Variants in DOP1A observed in about 807,000 individuals in gnomAD.
DOP1A encodes protein DOP1A.
A neutral mutation model predicts 267.6 loss-of-function variants in DOP1A; 90 were observed. The observed-to-expected ratio is 0.34, with a 90% CI of 0.28 to 0.40. DOP1A has a LOEUF of 0.40. DOP1A is among the 10% of genes least tolerant of loss of function. DOP1A has a pLI of 1.00. For synonymous variants in DOP1A, 932 were observed against 999.1 expected (o/e 0.93, Z 1.27); for missense variants, 2,437 against 2,900.4 (o/e 0.84, Z 3.67).
intron 5 of DOP1A, 115 bp from the exon 6 acceptor site, chr6:83,110,010 T>C: frequency 9.3e-7 from 1 of 1,070,774 alleles, no homozygotes; most frequent in Non-Finnish European, 1.3e-6. Flanking sequence ...GTTTCCAGGG[T>C]GGAACATATG....
Position 83,145,594 on chromosome 6 carries a change from C to T in DOP1A, c.5612C>T (p.Ala1871Val). The T allele has an allele frequency of 6.2e-7, 1 of 1,613,104 alleles. No individual in the cohort carries two copies. The highest frequency in any genetic ancestry group is 8.5e-7 in the Non-Finnish European group (1 of 1,179,454). ...ELVRSISVMR[A>V]ETVIQTVKEV... is the part of the protein sequence containing the mutation. The stretch of plus-strand genomic sequence containing the variant: ...GTTCGTTCAATCAGTGTCATGAGAG[C>T]AGAAACTGTTATCCAGACTGTAAAA... The change falls in exon 25 of 39, where the codon GCA (alanine) becomes GTA (valine). Residue 1871 changes from alanine (A) to valine (V), a missense_variant. This residue lies in a region of DOP1A where 307 missense variants were observed against 308.6 expected (regional missense o/e 0.99). Transcript: ENST00000349129.
In DOP1A at chr6:83,153,731, G is replaced by C. The variant is rs1334398497; in HGVS notation, c.6239+111G>C. The C allele has an allele frequency of 5.1e-6, 6 of 1,174,812 alleles. No individual in the cohort carries two copies. In the East Asian group the frequency reaches 1.4e-4, roughly 26 times the overall value. The allele number at this position is 1,174,812 out of a possible 1,614,324, so 72.8% of individuals were successfully genotyped here. A position where few individuals can be genotyped will look rare whatever the true frequency, so the allele number is the denominator to read the frequency against. On this transcript the variant is annotated intron_variant, in intron 31 of 38. Coordinates refer to ENST00000349129, the MANE Select transcript of DOP1A (RefSeq NM_015018.4). ...TATCATAAAATGGCATTTTTACCTT[G>C]AATTATAATTGTTTAAAAAAATTCA...
At position 83,168,169 on chromosome 6, in the gene DOP1A, C is replaced by T. The variant is rs762367065; in HGVS notation, c.*2C>T. 1 of 1,610,390 alleles carries T rather than the reference C, an allele frequency of 6.2e-7. No individual in the cohort carries two copies. The highest frequency in any genetic ancestry group is 8.5e-7 in the Non-Finnish European group (1 of 1,178,648). On this transcript the variant is annotated 3_prime_UTR_variant, in exon 39 of 39. Transcript: ENST00000349129. ...CTGGAAGGGATGATAAAAACTTGAG[C>T]ACCATTGCTGGTTCCATTTAGCTTA...
chr6:83,148,888 T>G (rs1193388527), intron 27 of DOP1A, 25 bp downstream of exon 27: 4 of 1,351,238 alleles, frequency 3.0e-6, no homozygotes, highest in Non-Finnish European at 4.0e-6. Context: ...TTAATATTAT[T>G]TCAAATAAAA....
At chr6:83,114,364 A>G (rs921105347) in intron 7 of DOP1A, among the ~76,000 whole-genome samples, 1 of 152,222 alleles carries the variant, frequency 6.6e-6, no homozygotes, top group Non-Finnish European at 1.5e-5. Context: ...TCACAAAAAC[A>G]ACTGTTGAGT....
chr6:83,069,610 G>T (rs1330345150), intron 1 of DOP1A, among the ~76,000 whole-genome samples: 1 of 152,044 alleles, frequency 6.6e-6, no homozygotes. Flanking sequence ...CAACTCACTT[G>T]TATAAAAAAA....
intron 1 of DOP1A, among the ~76,000 whole-genome samples, chr6:83,093,957 A>G (rs777175916): frequency 1.3e-5 from 2 of 152,166 alleles, no homozygotes; most frequent in Non-Finnish European, 2.9e-5. Flanking sequence ...TATGATATTC[A>G]GTATATTCAG....
At position 83,069,954 on chromosome 6, in the gene DOP1A, C is replaced by T. The variant is rs1785324313; in HGVS notation, c.-147+2175C>T. Among the ~76,000 whole-genome samples the T allele has an allele frequency of 2.0e-5, 3 of 152,160 alleles. No individual in the cohort carries two copies. In the South Asian group the frequency reaches 6.2e-4, roughly 32 times the overall value. The stretch of plus-strand genomic sequence containing the variant: ...AACTACCTATTTTAAGAGCTTATAT[C>T]ATGGAAAAGAGCTAAAGGCTAAAAC... On this transcript the variant is annotated intron_variant, in intron 1 of 38. Transcript: ENST00000349129.
intron 17 of DOP1A, among the ~76,000 whole-genome samples, chr6:83,131,919 G>C (rs187844567): frequency 2.6e-5 from 4 of 152,144 alleles, no homozygotes; most frequent in African/African-American, 9.7e-5. Flanking sequence ...TTACAGCCAT[G>C]AGCCACCATG....
At chr6:83,149,004 A>G in intron 27 of DOP1A, 141 bp downstream of exon 27, 1 of 494,214 alleles carries the variant, frequency 2.0e-6, no homozygotes, top group Non-Finnish European at 3.4e-6. Flanking sequence ...AACTAGATGT[A>G]TAAGGCCTGT....
intron 1 of DOP1A, among the ~76,000 whole-genome samples, chr6:83,093,776 G>C (rs1209048798): frequency 1.3e-5 from 2 of 152,188 alleles, no homozygotes; most frequent in African/African-American, 4.8e-5. Flanking sequence ...CATGGTGCCA[G>C]GTGCCTGTAA....
At chr6:83,154,278 G>A in intron 33 of DOP1A, 37 bp downstream of exon 33, 1 of 1,570,618 alleles carries the variant, frequency 6.4e-7, no homozygotes, top group Non-Finnish European at 8.8e-7. Context: ...GTTCTTTCCT[G>A]TACATGGTTC....
At chr6:83,140,499 C>A in intron 23 of DOP1A, 96 bp downstream of exon 23, 1 of 984,170 alleles carries the variant, frequency 1.0e-6, no homozygotes, top group Non-Finnish European at 1.5e-6. Flanking sequence ...GTAGTATTTA[C>A]AGGACTCTGC....
intron 2 of DOP1A, 47 bp from the exon 3 acceptor site, chr6:83,096,878 G>A (rs924358226): frequency 3.0e-5 from 42 of 1,415,798 alleles, no homozygotes; most frequent in South Asian, 2.2e-4. Flanking sequence ...ATATGAACCC[G>A]TTTTAATACT....
At chr6:83,122,824 A>T in intron 11 of DOP1A, 39 bp from the exon 12 acceptor site, 1 of 1,374,962 alleles carries the variant, frequency 7.3e-7, no homozygotes, top group Non-Finnish European at 9.6e-7. Flanking sequence ...AACAAATGTT[A>T]ATATTTTTTA....
intron 15 of DOP1A, among the ~76,000 whole-genome samples, chr6:83,126,043 T>A (rs550930756): frequency 2.0e-5 from 3 of 151,890 alleles, no homozygotes; most frequent in Middle Eastern, 3.4e-3. Flanking sequence ...AATATATTAT[T>A]TCAATGTAAT....
intron 1 of DOP1A, among the ~76,000 whole-genome samples, chr6:83,085,924 G>A (rs1769138654): frequency 6.6e-6 from 1 of 152,120 alleles, no homozygotes; most frequent in South Asian, 2.1e-4. Context: ...TGTGGAGGAT[G>A]AATTATGCAG....
intron 15 of DOP1A, among the ~76,000 whole-genome samples, chr6:83,126,409 C>T (rs950036543): frequency 4.6e-5 from 7 of 151,948 alleles, no homozygotes; most frequent in African/African-American, 1.4e-4. Flanking sequence ...GGGACCCGTC[C>T]CTGGCTGCCT....
chr6:83,124,884 G>T (rs1776908659), intron 13 of DOP1A, 65 bp downstream of exon 13: 1 of 1,306,962 alleles, frequency 7.7e-7, no homozygotes. Flanking sequence ...ATTTCGTGTT[G>T]TAGGCAAGCC....
Sources: gnomAD v4.1 joint callset for allele counts (sites outside exome capture counted in the v4.1 genomes callset) on GRCh38, gnomAD v4.1.1 for gene constraint, gnomAD v4.1.1 regional missense constraint, MANE v1.5 for transcripts, NCBI Gene and HGNC (gene_info 2026-07-23, HGNC 2026-07-21) for gene names.